The following NOL4 variants were observed in gnomAD, a reference collection of about 807,000 sequenced individuals.
NOL4 encodes nucleolar protein 4.
In NOL4, 17 loss-of-function variants were observed where a neutral mutation model predicts 75.9. The ratio of observed to expected loss-of-function variants is 0.22; its 90% CI spans 0.15 to 0.34. The LOEUF is 0.34. Among genes scored for constraint, NOL4 ranks in the 10% least tolerant of loss-of-function variants. The probability of loss-of-function intolerance (pLI) is 1.00; values close to 1 mark genes in which losing one functional copy is unlikely to be tolerated. For missense variants in NOL4, 614 were observed against 793.5 expected, an observed-to-expected ratio of 0.77 and a Z score of 2.72; for synonymous variants, 292 against 289.9, an observed-to-expected ratio of 1.01 and a Z score of -0.07.
At chr18:34,021,733 C>T (rs1030592265) in intron 5 of NOL4, among the ~76,000 whole-genome samples, 2 of 151,928 alleles carry the variant, frequency 1.3e-5, no homozygotes, top group Non-Finnish European at 2.9e-5. Flanking sequence ...AAAGAGGAGA[C>T]AATTAGAAAA....
intron 6 of NOL4, among the ~76,000 whole-genome samples, chr18:33,978,644 C>T (rs536089670): frequency 1.2e-4 from 18 of 152,102 alleles, no homozygotes; most frequent in African/African-American, 4.3e-4. Flanking sequence ...AGACTGGTTC[C>T]AGGACCCCTG....
intron 5 of NOL4, among the ~76,000 whole-genome samples, chr18:34,055,960 T>C (rs2076818994): frequency 1.3e-5 from 2 of 152,192 alleles, no homozygotes; most frequent in Admixed American, 6.5e-5. Context: ...AGAATTTCTA[T>C]ATGATTCTTT....
At chr18:34,096,493 C>T (rs1035244448) in intron 4 of NOL4, among the ~76,000 whole-genome samples, 1 of 151,948 alleles carries the variant, frequency 6.6e-6, no homozygotes, top group African/African-American at 2.4e-5. Flanking sequence ...AGATAAAATA[C>T]TAATTACACT....
At chr18:34,063,764 ATAT>A (rs1473124113) in intron 5 of NOL4, among the ~76,000 whole-genome samples, 3 of 152,036 alleles carry the variant, frequency 2.0e-5, no homozygotes, top group African/African-American at 7.2e-5. Flanking sequence ...TTGTTTCCAG[ATAT>A]TATGTGTTGC....
intron 8 of NOL4, among the ~76,000 whole-genome samples, chr18:33,950,411 C>T (rs2069136054): frequency 6.6e-6 from 1 of 152,008 alleles, no homozygotes; most frequent in Non-Finnish European, 1.5e-5. Context: ...TAAAAATTAT[C>T]TTATCTCTCA....
At position 34,224,817 on chromosome 18, in the gene NOL4, G is replaced by C. The variant is rs934752755; in HGVS notation, c.-1564C>G. Reference sequence around the variant, plus strand: ...AGGGAGCGAGGGTGTGCGGTGTGCAGGGGGTGCGCTGTGTGTGCGCGCGTC... The same window carrying C: ...AGGGAGCGAGGGTGTGCGGTGTGCACGGGGTGCGCTGTGTGTGCGCGCGTC... On this transcript the variant is annotated 5_prime_UTR_variant, in exon 1 of 11. Coordinates refer to ENST00000261592, the MANE Select transcript of NOL4 (RefSeq NM_003787.5). The C allele has an allele frequency of 6.5e-6, 1 of 154,668 alleles. No individual in the cohort carries two copies. Among genetic ancestry groups the C allele is most frequent in the Non-Finnish European group, 1.4e-5 (1 of 69,648 alleles). 9.6% of individuals were successfully genotyped at this position (154,668 alleles called of 1,614,324 possible).
intron 5 of NOL4, among the ~76,000 whole-genome samples, chr18:34,075,050 T>C (rs1245171575): frequency 6.6e-6 from 1 of 152,222 alleles, no homozygotes; most frequent in Non-Finnish European, 1.5e-5. Flanking sequence ...ATCATATTTA[T>C]GAAATTTTTG....
intron 5 of NOL4, among the ~76,000 whole-genome samples, chr18:34,074,329 A>G (rs1425628571): frequency 6.6e-6 from 1 of 151,770 alleles, no homozygotes; most frequent in African/African-American, 2.4e-5. Context: ...GAAAAATACA[A>G]AAAGTCTAAA....
chr18:33,901,275 C>T (rs1475326307), intron 9 of NOL4, among the ~76,000 whole-genome samples: 1 of 151,992 alleles, frequency 6.6e-6, no homozygotes, highest in Non-Finnish European at 1.5e-5. Context: ...ATCGTTTGTT[C>T]AATGAAAACA....
At chr18:34,100,146 T>C (rs955576826) in intron 4 of NOL4, among the ~76,000 whole-genome samples, 2 of 152,008 alleles carry the variant, frequency 1.3e-5, no homozygotes, top group Non-Finnish European at 2.9e-5. Flanking sequence ...CTCCTGTCTG[T>C]GCTCCATTCT....
intron 8 of NOL4, among the ~76,000 whole-genome samples, chr18:33,956,452 CCTAA>C (rs1046898913): frequency 6.6e-6 from 1 of 152,096 alleles, no homozygotes; most frequent in African/African-American, 2.4e-5. Flanking sequence ...CCCAATCACA[CCTAA>C]CTAATTAGAT....
rs1268202165 is a variant in NOL4 at position 34,087,968 on chromosome 18, T to G, written c.772+5497A>C. ...CATACAGAGAATTTAAGGGTATGCC[T>G]CAACATTCCTTTTATTCCTATTATC... On this transcript the variant is annotated intron_variant, in intron 5 of 10. Coordinates refer to ENST00000261592, the MANE Select transcript of NOL4 (RefSeq NM_003787.5). Among the ~76,000 whole-genome samples the G allele has an allele frequency of 3.3e-5, 5 of 151,962 alleles. No individual in the cohort carries two copies. The East Asian group carries it at 9.6e-4, about 29-fold the overall frequency.
chr18:34,150,366 A>C (rs939523762), intron 1 of NOL4, among the ~76,000 whole-genome samples: 2 of 151,746 alleles, frequency 1.3e-5, no homozygotes, highest in African/African-American at 4.8e-5. Flanking sequence ...GGTAATCAAG[A>C]CAGTATGTAT....
At chr18:33,926,172 C>T (rs915035267) in intron 9 of NOL4, among the ~76,000 whole-genome samples, 1 of 151,740 alleles carries the variant, frequency 6.6e-6, no homozygotes, top group Non-Finnish European at 1.5e-5. Context: ...CCATCCTGGC[C>T]AACATGGTGA....
intron 5 of NOL4, among the ~76,000 whole-genome samples, chr18:34,028,653 C>T (rs1021797099): frequency 5.3e-5 from 8 of 152,150 alleles, no homozygotes; most frequent in Admixed American, 4.6e-4. Context: ...TTCTTAAGGG[C>T]CAATGACCAC....
intron 5 of NOL4, among the ~76,000 whole-genome samples, chr18:34,041,852 G>A (rs1417380597): frequency 1.3e-5 from 2 of 151,766 alleles, no homozygotes; most frequent in African/African-American, 4.8e-5. Flanking sequence ...GTTGATTATT[G>A]TTCTTAATAT....
chr18:34,013,452 A>G (rs2146349685), intron 6 of NOL4, among the ~76,000 whole-genome samples: 1 of 151,962 alleles, frequency 6.6e-6, no homozygotes, highest in East Asian at 1.9e-4. Context: ...TCCATCCTAT[A>G]CCCTTAAGTG....
intron 1 of NOL4, among the ~76,000 whole-genome samples, chr18:34,152,205 C>CAT (rs1161514379): frequency 6.6e-6 from 1 of 151,428 alleles, no homozygotes; most frequent in Non-Finnish European, 1.5e-5. Context: ...GAAAGAATGA[C>CAT]TAATAAGCAT....
At chr18:33,925,313 T>C (rs2067260116) in intron 9 of NOL4, among the ~76,000 whole-genome samples, 1 of 152,158 alleles carries the variant, frequency 6.6e-6, no homozygotes, top group African/African-American at 2.4e-5. Context: ...GAATATAAAT[T>C]ATCAAATAAA....
Sources: gnomAD v4.1 joint callset for allele counts (sites outside exome capture counted in the v4.1 genomes callset) on GRCh38, gnomAD v4.1.1 for gene constraint, MANE v1.5 for transcripts, NCBI Gene and HGNC (gene_info 2026-07-23, HGNC 2026-07-21) for gene names.